The following RBFOX1 variants were observed in gnomAD, a reference collection of about 807,000 sequenced individuals.
RBFOX1 encodes RNA binding protein fox-1 homolog 1.
RBFOX1 carries 8 observed loss-of-function variants against 57.7 expected under a neutral mutation model. That is an observed-to-expected ratio of 0.14 (90% confidence interval 0.08 to 0.25). The LOEUF is 0.25. Ranked by LOEUF, RBFOX1 falls within the 10% of genes least tolerant of loss-of-function variation. The probability of loss-of-function intolerance (pLI) is 1.00; values close to 1 mark genes in which losing one functional copy is unlikely to be tolerated. For synonymous variants in RBFOX1, 326 were observed against 222.4 expected (o/e 1.47, Z -4.15); for missense variants, 611 against 548.5 (o/e 1.11, Z -1.14).
chr16:5,619,656 G>T (rs8062284), intron 3 of RBFOX1, among the ~76,000 whole-genome samples: 1 of 152,212 alleles, frequency 6.6e-6, no homozygotes, highest in Non-Finnish European at 1.5e-5. Context: ...TGGCAAAGAG[G>T]GGGGCCTGCA....
chr16:6,913,230 T>C (rs950743359), intron 3 of RBFOX1, among the ~76,000 whole-genome samples: 2 of 152,148 alleles, frequency 1.3e-5, no homozygotes, highest in Non-Finnish European at 2.9e-5. Context: ...CGGAAATTAT[T>C]ATCTGTCCAC....
At chr16:6,607,043 C>T (rs186518893) in intron 2 of RBFOX1, among the ~76,000 whole-genome samples, 4 of 152,106 alleles carry the variant, frequency 2.6e-5, no homozygotes, top group Non-Finnish European at 4.4e-5. Context: ...TTTTAATAAT[C>T]GCCAAAAATG....
chr16:6,490,172 C>T (rs944976064), intron 2 of RBFOX1, among the ~76,000 whole-genome samples: 1 of 151,956 alleles, frequency 6.6e-6, no homozygotes, highest in Admixed American at 6.6e-5. Context: ...ATAGCAAATG[C>T]TATGAAAAGA....
chr16:5,880,464 A>G (rs1019631188), intron 4 of RBFOX1, among the ~76,000 whole-genome samples: 11 of 152,208 alleles, frequency 7.2e-5, no homozygotes, highest in African/African-American at 2.2e-4. Flanking sequence ...AGAATTTATT[A>G]CTTTCAGCCA....
At chr16:6,926,087 C>G (rs1037355848) in intron 3 of RBFOX1, among the ~76,000 whole-genome samples, 3 of 151,928 alleles carry the variant, frequency 2.0e-5, no homozygotes, top group African/African-American at 7.3e-5. Flanking sequence ...GGGTTGATCA[C>G]TTGAGGTCAG....
intron 3 of RBFOX1, among the ~76,000 whole-genome samples, chr16:5,779,933 C>A (rs74006285): frequency 0.036 from 5,515 of 152,108 alleles, 346 homozygotes; most frequent in African/African-American, 0.12. Context: ...TGAGAGTTTT[C>A]GAAAATAATA....
rs77907771 is a variant in RBFOX1 at position 5,884,786 on chromosome 16, G to A, written c.351+17451G>A. Reference sequence around the variant, plus strand: ...ATCCTGATGGTGGGTAGATGGTGTAGTTGATGAGTGAGGTCCAGAAGGTGC... The same window carrying A: ...ATCCTGATGGTGGGTAGATGGTGTAATTGATGAGTGAGGTCCAGAAGGTGC... On this transcript the variant is annotated intron_variant, in intron 4 of 19. Transcript: ENST00000641259. Among the ~76,000 whole-genome samples the A allele has an allele frequency of 4.2e-3, 642 of 152,238 alleles. 2 individuals carry two copies. Among genetic ancestry groups the A allele is most frequent in the African/African-American group, 0.015 (616 of 41,542 alleles).
intron 4 of RBFOX1, among the ~76,000 whole-genome samples, chr16:7,212,986 C>A (rs1417406249): frequency 1.3e-5 from 2 of 152,162 alleles, no homozygotes; most frequent in African/African-American, 2.4e-5. Flanking sequence ...TGACTTGATC[C>A]TTCCAGTCAT....
At chr16:7,597,628 G>T (rs193037338) in intron 9 of RBFOX1, among the ~76,000 whole-genome samples, 197 bp downstream of exon 9, 1 of 152,352 alleles carries the variant, frequency 6.6e-6, no homozygotes, top group East Asian at 1.9e-4. Flanking sequence ...TTCAGGTTAA[G>T]TGTGCCTGCC....
At chr16:7,392,290 C>T (rs1027303904) in intron 4 of RBFOX1, among the ~76,000 whole-genome samples, 2 of 152,138 alleles carry the variant, frequency 1.3e-5, no homozygotes, top group Non-Finnish European at 2.9e-5. Flanking sequence ...CCTTGTATAG[C>T]ACCTTGCATT....
chr16:6,883,716 C>G lies in RBFOX1; in HGVS notation c.-15-168341C>G, dbSNP rs567425605. Among the ~76,000 whole-genome samples, 4 of 152,152 alleles carry G rather than the reference C, an allele frequency of 2.6e-5. No homozygotes were observed. The East Asian group carries it at 7.7e-4, about 29-fold the overall frequency. On this transcript the variant is annotated intron_variant, in intron 3 of 15. Transcript: ENST00000550418. The stretch of plus-strand genomic sequence containing the variant: ...GTTCAAATATGAGATAAAATAGTTT[C>G]TAAGAATGATAGAGTCCAAAAGTTT...
At chr16:5,998,797 C>T (rs916134569) in intron 4 of RBFOX1, among the ~76,000 whole-genome samples, 5 of 152,218 alleles carry the variant, frequency 3.3e-5, no homozygotes, top group African/African-American at 1.2e-4. Flanking sequence ...ATCTTCTTGG[C>T]ACCCACATCA....
intron 1 of RBFOX1, among the ~76,000 whole-genome samples, chr16:5,374,740 A>G (rs2065943589): frequency 6.6e-6 from 1 of 150,686 alleles, no homozygotes; most frequent in Non-Finnish European, 1.5e-5. Flanking sequence ...AGAATTGACT[A>G]AAAACATCAA....
intron 2 of RBFOX1, among the ~76,000 whole-genome samples, chr16:6,644,629 G>C (rs1391174559): frequency 1.3e-5 from 2 of 152,122 alleles, no homozygotes; most frequent in Non-Finnish European, 2.9e-5. Flanking sequence ...TCCTTACTTA[G>C]CTTCTCATGA....
chr16:6,821,449 A>G (rs998567637), intron 3 of RBFOX1, among the ~76,000 whole-genome samples: 3 of 152,244 alleles, frequency 2.0e-5, no homozygotes, highest in Admixed American at 6.5e-5. Flanking sequence ...ATTCAGTGGC[A>G]CATAGTGCAT....
At chr16:6,180,563 C>T (rs2097055005) in intron 1 of RBFOX1, among the ~76,000 whole-genome samples, 1 of 146,592 alleles carries the variant, frequency 6.8e-6, no homozygotes, top group Non-Finnish European at 1.5e-5. Context: ...TTGTTATTGT[C>T]ATTCTTCTTT....
chr16:7,183,384 T>C (rs1479238428), intron 4 of RBFOX1, among the ~76,000 whole-genome samples: 1 of 152,222 alleles, frequency 6.6e-6, no homozygotes, highest in African/African-American at 2.4e-5. Flanking sequence ...CCTGAAAATC[T>C]TTACCAGCAC....
chr16:6,220,378 C>T (rs1283558860), intron 1 of RBFOX1, among the ~76,000 whole-genome samples: 1 of 152,116 alleles, frequency 6.6e-6, no homozygotes, highest in Non-Finnish European at 1.5e-5. Context: ...TTAACACAAC[C>T]TGTTGGATTT....
chr16:7,475,583 G>A (rs1333483382), intron 4 of RBFOX1, among the ~76,000 whole-genome samples: 1 of 151,840 alleles, frequency 6.6e-6, no homozygotes, highest in Non-Finnish European at 1.5e-5. Flanking sequence ...AAAGTGCTGG[G>A]ATTACAGGTG....
Sources: gnomAD v4.1 joint callset for allele counts (sites outside exome capture counted in the v4.1 genomes callset) on GRCh38, gnomAD v4.1.1 for gene constraint, MANE v1.5 for transcripts, NCBI Gene and HGNC (gene_info 2026-07-23, HGNC 2026-07-21) for gene names.